Variants in HPCAL1 observed in about 807,000 individuals in gnomAD.
HPCAL1 encodes the protein hippocalcin-like protein 1.
HPCAL1 carries 8 observed loss-of-function variants against 17.1 expected under a neutral mutation model. The ratio of observed to expected loss-of-function variants is 0.47; its 90% CI spans 0.27 to 0.84. HPCAL1 has a LOEUF of 0.84. Ranked by LOEUF, HPCAL1 falls within the 40% of genes least tolerant of loss-of-function variation. HPCAL1 has a pLI of 0.13. For synonymous variants in HPCAL1, 112 were observed against 111.4 expected, an observed-to-expected ratio of 1.01 and a Z score of -0.03; for missense variants, 165 against 271.1, an observed-to-expected ratio of 0.61 and a Z score of 2.75.
chr2:10,312,668 C>CCAT (rs535666250), intron 1 of HPCAL1, among the ~76,000 whole-genome samples: 17 of 150,292 alleles, frequency 1.1e-4, no homozygotes, highest in South Asian at 8.5e-4. Flanking sequence ...TTCTCCATCA[C>CCAT]CATCATCATC....
chr2:10,321,379 G>A (rs1436676449), intron 1 of HPCAL1, among the ~76,000 whole-genome samples: 1 of 151,956 alleles, frequency 6.6e-6, no homozygotes, highest in Non-Finnish European at 1.5e-5. Flanking sequence ...CATGAGATTT[G>A]GTTGAGACAT....
chr2:10,405,617 C>G (rs888753816), intron 2 of HPCAL1, among the ~76,000 whole-genome samples: 4 of 152,212 alleles, frequency 2.6e-5, no homozygotes, highest in Non-Finnish European at 5.9e-5. Context: ...ATCTTCCCCC[C>G]AGGCATGGGT....
intron 1 of HPCAL1, among the ~76,000 whole-genome samples, chr2:10,329,697 C>A (rs1187786397): frequency 7.2e-5 from 11 of 152,238 alleles, no homozygotes; most frequent in Admixed American, 7.2e-4. Flanking sequence ...GACTTTTCCT[C>A]CAGTGTGATC....
chr2:10,380,927 A>C (rs1667901340), intron 1 of HPCAL1, among the ~76,000 whole-genome samples: 1 of 152,218 alleles, frequency 6.6e-6, no homozygotes, highest in African/African-American at 2.4e-5. Flanking sequence ...CCAATTAAGA[A>C]TGTTTTGAAT....
chr2:10,320,625 G>A (rs1026461696), intron 1 of HPCAL1, among the ~76,000 whole-genome samples: 5 of 152,166 alleles, frequency 3.3e-5, no homozygotes, highest in African/African-American at 1.2e-4. Flanking sequence ...GACAGGGACC[G>A]TGTGTTTGGG....
rs1456285760 is a variant in HPCAL1, at chr2:10,350,190, C to T, written c.-110-46645C>T. On this transcript the variant is annotated intron_variant, in intron 1 of 4. Transcript: ENST00000307845. ...ACTGAGTCTTGGTGGGCTCAGAGTGCACCTGCCCGAAGGTTCCCACATGCT... is the reference window on the plus strand; with the variant it reads ...ACTGAGTCTTGGTGGGCTCAGAGTGTACCTGCCCGAAGGTTCCCACATGCT... Among the ~76,000 whole-genome samples the T allele has an allele frequency of 2.0e-5, 3 of 152,198 alleles. No homozygotes were observed. In the East Asian group the frequency reaches 5.8e-4, roughly 29 times the overall value.
intron 1 of HPCAL1, among the ~76,000 whole-genome samples, chr2:10,341,358 G>A (rs1383887244): frequency 2.0e-5 from 3 of 152,120 alleles, no homozygotes; most frequent in Admixed American, 2.0e-4. Flanking sequence ...GACTGAAGCG[G>A]GAGGATCACC....
In HPCAL1 at chr2:10,419,341, C is replaced by G. The variant is rs542932369; in HGVS notation, c.-24-393C>G. 4.3e-4 allele frequency among the ~76,000 whole-genome samples: 66 copies of G among 152,280 alleles called. No homozygotes were observed. Among genetic ancestry groups the G allele is most frequent in the Non-Finnish European group, 7.4e-4 (50 of 68,018 alleles). ...AGAGGGAAGAACTGCCCCAAAGAGTCTGGGATGTGGCTGAGGTGGCCACTT... is the reference window on the plus strand; with the variant it reads ...AGAGGGAAGAACTGCCCCAAAGAGTGTGGGATGTGGCTGAGGTGGCCACTT... On this transcript the variant is annotated intron_variant, in intron 2 of 4. Transcript: ENST00000307845. This position sits in a 1 kb window ranked among gnomAD's most constrained non-coding sequence, Gnocchi z 5.0.
chr2:10,424,402 C>G (rs11674615), intron 4 of HPCAL1: 1 of 436,662 alleles, frequency 2.3e-6, no homozygotes, highest in Non-Finnish European at 4.8e-6. Context: ...TGAGGCTGTC[C>G]GCTCCTCGTG....
chr2:10,359,934 C>T lies in HPCAL1; in HGVS notation c.-110-36901C>T, dbSNP rs1271310142. The stretch of plus-strand genomic sequence containing the variant: ...CACAGCGCCCGCCGGGTCCACAGCG[C>T]CCGCCGGGTCCACAGCGCCCACCAG... On this transcript the variant is annotated intron_variant, in intron 1 of 4. Transcript: ENST00000307845. This position sits in a 1 kb window ranked among gnomAD's most constrained non-coding sequence, Gnocchi z 4.1. Among the ~76,000 whole-genome samples, 5 of 152,096 alleles carry T rather than the reference C, an allele frequency of 3.3e-5. No individual in the cohort carries two copies. The highest frequency in any genetic ancestry group is 7.4e-5 in the Non-Finnish European group (5 of 68,008).
At chr2:10,393,637 G>GC (rs1299386415) in intron 1 of HPCAL1, among the ~76,000 whole-genome samples, 1 of 152,198 alleles carries the variant, frequency 6.6e-6, no homozygotes, top group African/African-American at 2.4e-5. Flanking sequence ...AGGCAGGGCT[G>GC]CCCCCAGGAA....
chr2:10,425,831 C>G (rs1572879217), intron 4 of HPCAL1: 1 of 152,546 alleles, frequency 6.6e-6, no homozygotes, highest in East Asian at 1.9e-4. Flanking sequence ...ACCAGGCCGC[C>G]AGGACGCAGC....
rs532872674 is a variant in HPCAL1, at chr2:10,363,765, G to C, written c.-110-33070G>C. 6.6e-5 allele frequency among the ~76,000 whole-genome samples: 10 copies of C among 152,298 alleles called. No individual in the cohort carries two copies. The highest frequency in any genetic ancestry group is 1.9e-4 in the African/African-American group (8 of 41,572). ...AAGGCTGGGGAGCCAGGCTTGTTTCGGATCTCCAGTCCTTGTGTGGGCTGC... is the reference window on the plus strand; with the variant it reads ...AAGGCTGGGGAGCCAGGCTTGTTTCCGATCTCCAGTCCTTGTGTGGGCTGC... On this transcript the variant is annotated intron_variant, in intron 1 of 4. Transcript: ENST00000307845. The surrounding 1 kb of genome is among the most constrained non-coding windows in gnomAD (Gnocchi z 4.7).
At chr2:10,350,428 A>C (rs1665770604) in intron 1 of HPCAL1, among the ~76,000 whole-genome samples, 1 of 150,402 alleles carries the variant, frequency 6.6e-6, no homozygotes, top group African/African-American at 2.5e-5. Flanking sequence ...CCCCCACCTC[A>C]GCCTCCTGAG....
chr2:10,374,875 G>A (rs1001188338), intron 1 of HPCAL1, among the ~76,000 whole-genome samples: 10 of 152,232 alleles, frequency 6.6e-5, no homozygotes, highest in Non-Finnish European at 1.2e-4. Context: ...AGAACTCCCT[G>A]GGGCTGGACC....
chr2:10,396,856 T>C lies in HPCAL1; in HGVS notation c.-89T>C, dbSNP rs925142268. 1.3e-5 allele frequency: 2 copies of C among 152,260 alleles called. No individual in the cohort carries two copies. The highest frequency in any genetic ancestry group is 4.8e-5 in the African/African-American group (2 of 41,450). 9.4% of individuals were successfully genotyped at this position (152,260 alleles called of 1,614,324 possible). On this transcript the variant is annotated 5_prime_UTR_variant, in exon 2 of 5. Coordinates refer to ENST00000307845, the MANE Select transcript of HPCAL1 (RefSeq NM_002149.4). ...CCAGGGGCATGGTCTAGTGGCCCAG[T>C]CAGGACGCGGAAACACTCCCTGGAG...
In HPCAL1 at chr2:10,344,823, C is replaced by G. The variant is rs1007736897; in HGVS notation, c.-111+41646C>G. Among the ~76,000 whole-genome samples the G allele has an allele frequency of 6.6e-6, 1 of 151,758 alleles. No individual in the cohort carries two copies. Among genetic ancestry groups the G allele is most frequent in the Admixed American group, 6.6e-5 (1 of 15,244 alleles). ...TTTCTGCTTCTCTCTCTGTGTCTGT[C>G]TCTGTCTCTCTCTTTCTGTGTGTGT... On this transcript the variant is annotated intron_variant, in intron 1 of 4. Transcript: ENST00000307845. The surrounding 1 kb of genome is among the most constrained non-coding windows in gnomAD (Gnocchi z 4.9).
At chr2:10,341,998 GTTT>G (rs75605259) in intron 1 of HPCAL1, among the ~76,000 whole-genome samples, 1 of 141,814 alleles carries the variant, frequency 7.1e-6, no homozygotes, top group Non-Finnish European at 1.6e-5. Flanking sequence ...TCTAGATAAA[GTTT>G]TTTTTTTTTT....
rs145390781 is a variant in HPCAL1 at position 10,366,045 on chromosome 2, G to A, written c.-110-30790G>A. Among the ~76,000 whole-genome samples the A allele has an allele frequency of 2.7e-3, 408 of 152,238 alleles. 2 individuals are homozygous for A. Among genetic ancestry groups the A allele is most frequent in the Admixed American group, 5.9e-3 (90 of 15,296 alleles). On this transcript the variant is annotated intron_variant, in intron 1 of 4. Transcript: ENST00000307845. Reference sequence around the variant, plus strand: ...TGCCCAGCAGCACGCCTCCCGCAGCGTTGTCAATATTTATTCGTGGTTGCC... The same window carrying A: ...TGCCCAGCAGCACGCCTCCCGCAGCATTGTCAATATTTATTCGTGGTTGCC...
Sources: gnomAD v4.1 joint callset for allele counts (sites outside exome capture counted in the v4.1 genomes callset) on GRCh38, gnomAD v4.1.1 for gene constraint, Gnocchi (gnomAD v3.1) non-coding constraint, MANE v1.5 for transcripts, NCBI Gene and HGNC (gene_info 2026-07-23, HGNC 2026-07-21) for gene names.